RBSN: variants seen among roughly 807,000 people sequenced by gnomAD.
RBSN encodes rabenosyn, RAB effector, also known as rabenosyn-5.
In RBSN, 34 loss-of-function variants were observed where a neutral mutation model predicts 60.5. The ratio of observed to expected loss-of-function variants is 0.56; its 90% confidence interval spans 0.43 to 0.75. The LOEUF is 0.75. Among genes scored for constraint, RBSN ranks in the 30% least tolerant of loss-of-function variants. The pLI is 0.00. For synonymous variants in RBSN, 322 were observed against 366.9 expected, an observed-to-expected ratio of 0.88 and a Z score of 1.40; for missense variants, 845 against 986.8, an observed-to-expected ratio of 0.86 and a Z score of 1.92.
Position 15,082,303 on chromosome 3 carries a change from T to A in RBSN, c.840+64A>T. 6.4e-7 allele frequency: 1 copy of A among 1,571,736 alleles called. No individual in the cohort carries two copies. Among genetic ancestry groups the A allele is most frequent in the Non-Finnish European group, 8.7e-7 (1 of 1,149,588 alleles). ...AAGCATTCTCCAGAATCTGCAGGAG[T>A]GTACATAACAAACAGCCAAATCTGC... On this transcript the variant is annotated intron_variant, in intron 9 of 13. Transcript: ENST00000253699. This position sits in a 1 kb window ranked among gnomAD's most constrained non-coding sequence, Gnocchi z 4.2.
chr3:15,085,172 G>A (rs2043307281), intron 6 of RBSN, 127 bp from the exon 7 acceptor site: 13 of 1,123,050 alleles, frequency 1.2e-5, no homozygotes, highest in South Asian at 4.4e-5. Context: ...CATCCCCAAC[G>A]CCACAAAATC....
intron 5 of RBSN, chr3:15,086,221 C>T (rs934561361): frequency 1.3e-4 from 43 of 337,462 alleles, no homozygotes; most frequent in Non-Finnish European, 1.4e-4. Context: ...TATGATCCCA[C>T]CACTGTACTC....
At chr3:15,089,467 A>AC (rs2043441751) in intron 5 of RBSN, among the ~76,000 whole-genome samples, 1 of 113,120 alleles carries the variant, frequency 8.8e-6, no homozygotes, top group Non-Finnish European at 1.6e-5. Flanking sequence ...AAAAAAAAAA[A>AC]AAAAAAAAAA....
Position 15,089,609 on chromosome 3 carries a change from T to C in RBSN, c.289+790A>G, listed in dbSNP as rs945123653. Reference sequence around the variant, plus strand: ...AAATTCAGTGGTTTTTAGGATTTTCTTTTCTTTTTTTTTTTTCTTGAGACA... The same window carrying C: ...AAATTCAGTGGTTTTTAGGATTTTCCTTTCTTTTTTTTTTTTCTTGAGACA... On this transcript the variant is annotated intron_variant, in intron 5 of 13. Transcript: ENST00000253699. Among the ~76,000 whole-genome samples the C allele has an allele frequency of 1.2e-3, 189 of 151,358 alleles. 2 individuals are homozygous for C. The highest frequency in any genetic ancestry group is 1.1e-3 in the Non-Finnish European group (73 of 67,822).
At chr3:15,079,735 C>T (rs1239952559) in intron 10 of RBSN, among the ~76,000 whole-genome samples, 1 of 152,112 alleles carries the variant, frequency 6.6e-6, no homozygotes, top group Non-Finnish European at 1.5e-5. Flanking sequence ...CAGACAAATC[C>T]ATAGAGACAG....
In RBSN at chr3:15,074,210, C is replaced by G; in HGVS notation, c.1927G>C (p.Gly643Arg). The change falls in exon 14 of 14, where the codon GGT becomes CGT. Residue 643 changes from glycine to arginine, a missense_variant. Gly to Arg is a moderately radical substitution (Grantham distance 125). Transcript: ENST00000253699. The surrounding 1 kb of genome is among the most constrained non-coding windows in gnomAD (Gnocchi z 6.4). The stretch of plus-strand genomic sequence containing the variant: ...AAGGAAACCCCTGCAGCAGGAGGAC[C>G]AGTAGTGGCCTCTTCCATGGGGCTG... The part of the protein sequence containing the change: ...LSSPMEEATT[G>R]PPAAGVSLDP... 6.2e-7 allele frequency: 1 copy of G among 1,608,994 alleles called. No individual in the cohort carries two copies. The highest frequency in any genetic ancestry group is 8.5e-7 in the Non-Finnish European group (1 of 1,177,252).
chr3:15,080,239 G>A (rs546942973), intron 10 of RBSN, among the ~76,000 whole-genome samples: 4 of 147,052 alleles, frequency 2.7e-5, no homozygotes, highest in African/African-American at 1.0e-4. Flanking sequence ...GTGAGACTCC[G>A]TCTCGGAAAA....
intron 3 of RBSN, 47 bp downstream of exon 3, chr3:15,096,488 A>G (rs2043660850): frequency 1.1e-5 from 2 of 174,070 alleles, no homozygotes; most frequent in African/African-American, 4.7e-5. Context: ...GAGAACAAAA[A>G]CTCAATGAAG....
intron 6 of RBSN, 91 bp from the exon 7 acceptor site, chr3:15,085,136 A>C (rs891807554): frequency 6.9e-7 from 1 of 1,439,646 alleles, no homozygotes; most frequent in Non-Finnish European, 9.7e-7. Context: ...AAATTAGCAC[A>C]TTTGCATTCC....
intron 5 of RBSN, 103 bp from the exon 6 acceptor site, chr3:15,086,064 T>C: frequency 1.8e-6 from 1 of 552,060 alleles, no homozygotes; most frequent in Non-Finnish European, 3.0e-6. Context: ...AGCAGGTTGG[T>C]CAACATAGCG....
Position 15,084,542 on chromosome 3 carries a change from A to G in RBSN, c.598+193T>C, listed in dbSNP as rs748128986. 2.0e-5 allele frequency among the ~76,000 whole-genome samples: 3 copies of G among 152,254 alleles called. No homozygotes were observed. ...TACAAAGTTTGCCAATCCCTGTTAT[A>G]GACCACTGTATCCCTGGCCCCTAGC... is the stretch of plus-strand genomic sequence containing the variant. On this transcript the variant is annotated intron_variant, in intron 8 of 13. Coordinates refer to ENST00000253699, the MANE Select transcript of RBSN (RefSeq NM_022340.4). This position sits in a 1 kb window ranked among gnomAD's most constrained non-coding sequence, Gnocchi z 4.2.
intron 9 of RBSN, chr3:15,081,553 C>T (rs980934859): frequency 1.3e-5 from 2 of 152,306 alleles, no homozygotes; most frequent in African/African-American, 4.8e-5. Context: ...TTAATTGACA[C>T]CATTTCTAGT....
rs1173054445 is a variant in RBSN at position 15,077,687 on chromosome 3, A to C, written c.998+388T>G. On this transcript the variant is annotated intron_variant, in intron 11 of 13. Coordinates refer to ENST00000253699, the MANE Select transcript of RBSN (RefSeq NM_022340.4). This position sits in a 1 kb window ranked among gnomAD's most constrained non-coding sequence, Gnocchi z 4.4. ...TGGACTTGAGCACAGACACAAAGAA[A>C]GAACCTGAGTTTCTATCTTCACTCC... Among the ~76,000 whole-genome samples the C allele has an allele frequency of 2.6e-5, 4 of 152,212 alleles. No homozygotes were observed. The highest frequency in any genetic ancestry group is 9.6e-5 in the African/African-American group (4 of 41,452).
In RBSN at chr3:15,072,012, C is replaced by T. The variant is rs9820194; in HGVS notation, c.*1770G>A. The stretch of plus-strand genomic sequence containing the variant: ...TCCCTTTCTGGCCTTAATTGACCAA[C>T]AGTTTAAGTACTGTGGTGCTACCAG... On this transcript the variant is annotated 3_prime_UTR_variant, in exon 14 of 14. Coordinates refer to ENST00000253699, the MANE Select transcript of RBSN (RefSeq NM_022340.4). 44,926 of 152,624 alleles carry T rather than the reference C, an allele frequency of 0.29. 6,747 individuals carry two copies. The highest frequency in any genetic ancestry group is 0.34 in the Middle Eastern group (100 of 294). 9.5% of individuals were successfully genotyped at this position (152,624 alleles called of 1,614,324 possible).
Position 15,074,311 on chromosome 3 carries a change from T to A in RBSN, c.1826A>T (p.Glu609Val), listed in dbSNP as rs754557505. 11 of 1,614,090 alleles carry A rather than the reference T, an allele frequency of 6.8e-6. No individual in the cohort carries two copies. In the South Asian group the frequency reaches 1.1e-4, roughly 16 times the overall value. Residue 609 changes from glutamate (E) to valine (V), a missense_variant, in exon 14 of 14, where the codon GAG becomes GTG. Coordinates refer to ENST00000253699, the MANE Select transcript of RBSN (RefSeq NM_022340.4). This position sits in a 1 kb window ranked among gnomAD's most constrained non-coding sequence, Gnocchi z 6.4. ...VWSGPPAVGQ[E>V]RLPQSSMPQQ... ...TGGCATGCTGCTCTGGGGTAAGCGC[T>A]CCTGGCCAACGGCTGGGGGCCCAGA...
chr3:15,092,067 G>A (rs777792977), intron 4 of RBSN, among the ~76,000 whole-genome samples: 1 of 151,792 alleles, frequency 6.6e-6, no homozygotes, highest in Admixed American at 6.6e-5. Context: ...ACCCAGGCTG[G>A]AGTGCAGTGG....
At chr3:15,083,348 C>G (rs1281165809) in intron 8 of RBSN, among the ~76,000 whole-genome samples, 1 of 152,112 alleles carries the variant, frequency 6.6e-6, no homozygotes, top group African/African-American at 2.4e-5. Flanking sequence ...TTTTTGTCCC[C>G]ACATTATCCA....
intron 10 of RBSN, among the ~76,000 whole-genome samples, chr3:15,078,779 C>CATATATAT (rs57572763): frequency 2.4e-3 from 120 of 50,606 alleles, no homozygotes; most frequent in African/African-American, 5.2e-3. Flanking sequence ...AAAAAAAATA[C>CATATATAT]ATATATATAT....
chr3:15,084,910 A>T lies in RBSN; in HGVS notation c.437-14T>A. On this transcript the variant is annotated splice_polypyrimidine_tract_variant and intron_variant, in intron 7 of 13. Transcript: ENST00000253699. The surrounding 1 kb of genome is among the most constrained non-coding windows in gnomAD (Gnocchi z 4.2). Reference sequence around the variant, plus strand: ...ACTTTTCTATTGCTTTGGGAAGAGCAAACCAACAAGAAAGCAGGCCATTTT... The same window carrying T: ...ACTTTTCTATTGCTTTGGGAAGAGCTAACCAACAAGAAAGCAGGCCATTTT... 1 of 1,613,158 alleles carries T rather than the reference A, an allele frequency of 6.2e-7. No homozygotes were observed.
Sources: gnomAD v4.1 joint callset for allele counts (sites outside exome capture counted in the v4.1 genomes callset) on GRCh38, gnomAD v4.1.1 for gene constraint, Gnocchi (gnomAD v3.1) non-coding constraint, MANE v1.5 for transcripts, NCBI Gene and HGNC (gene_info 2026-07-23, HGNC 2026-07-21) for gene names.